The following STRN3 variants were observed in gnomAD, a reference collection of about 807,000 sequenced individuals.
The protein encoded by STRN3 is striatin-3.
A neutral mutation model predicts 95.6 loss-of-function variants in STRN3; 29 were observed. That is an observed-to-expected ratio of 0.30 (90% CI 0.23 to 0.41). The LOEUF (loss-of-function observed/expected upper bound fraction) is 0.41, where lower values mean the gene tolerates loss of function less well. STRN3 is among the 10% of genes least tolerant of loss of function. The pLI is 1.00. For synonymous variants in STRN3, 331 were observed against 357.6 expected (o/e 0.93, Z 0.84); for missense variants, 890 against 972.1 (o/e 0.92, Z 1.12).
intron 8 of STRN3, among the ~76,000 whole-genome samples, chr14:30,926,241 G>A (rs1208988669): frequency 6.6e-6 from 1 of 151,952 alleles, no homozygotes; most frequent in African/African-American, 2.4e-5. Flanking sequence ...ACTTACATTA[G>A]TAGCCTCAAA....
chr14:31,022,935 G>T (rs958339235), intron 1 of STRN3, among the ~76,000 whole-genome samples: 11 of 152,150 alleles, frequency 7.2e-5, no homozygotes, highest in African/African-American at 2.4e-4. Context: ...GTTAGTAGGA[G>T]ATATTTTGCT....
At chr14:30,971,613 G>A (rs555155566) in intron 1 of STRN3, among the ~76,000 whole-genome samples, 1 of 152,270 alleles carries the variant, frequency 6.6e-6, no homozygotes, top group South Asian at 2.1e-4. Context: ...AGCAGAAAGA[G>A]GATTTTGCAT....
intron 1 of STRN3, among the ~76,000 whole-genome samples, chr14:30,990,110 G>GT: frequency 6.6e-6 from 1 of 150,908 alleles, no homozygotes; most frequent in Non-Finnish European, 1.5e-5. Context: ...TTAAAGAGAA[G>GT]TAACAGTAAA....
intron 1 of STRN3, among the ~76,000 whole-genome samples, chr14:30,957,657 C>T (rs1879987943): frequency 6.6e-6 from 1 of 151,900 alleles, no homozygotes; most frequent in Non-Finnish European, 1.5e-5. Context: ...CCTTAAGTGC[C>T]TTTTATCCTT....
In STRN3 at chr14:31,005,311, G is replaced by A. The variant is rs531161279; in HGVS notation, c.282+20593C>T. Among the ~76,000 whole-genome samples the A allele has an allele frequency of 9.4e-4, 143 of 152,236 alleles. 2 individuals are homozygous for A. Among genetic ancestry groups the A allele is most frequent in the Admixed American group, 4.0e-3 (61 of 15,280 alleles). On this transcript the variant is annotated intron_variant, in intron 1 of 17. Transcript: ENST00000357479. ...CACGCCACTGCACTCCAGCCTGGGCGACAGAACGAGACTCCTCTCGTAGAG... is the reference window on the plus strand; with the variant it reads ...CACGCCACTGCACTCCAGCCTGGGCAACAGAACGAGACTCCTCTCGTAGAG...
At chr14:30,928,341 T>C (rs1878298296) in intron 8 of STRN3, among the ~76,000 whole-genome samples, 1 of 152,206 alleles carries the variant, frequency 6.6e-6, no homozygotes, top group Non-Finnish European at 1.5e-5. Context: ...ATGTCTATAT[T>C]GCTTTTGCCT....
chr14:30,909,354 A>G (rs1219351861), intron 13 of STRN3, among the ~76,000 whole-genome samples: 1 of 152,038 alleles, frequency 6.6e-6, no homozygotes, highest in African/African-American at 2.4e-5. Context: ...TACAAAAATT[A>G]GTGCGGTGTG....
intron 9 of STRN3, among the ~76,000 whole-genome samples, chr14:30,914,996 T>C (rs950011039): frequency 1.3e-5 from 2 of 152,214 alleles, no homozygotes; most frequent in African/African-American, 4.8e-5. Flanking sequence ...CAACCTTCAA[T>C]ATCATTTCAA....
intron 1 of STRN3, among the ~76,000 whole-genome samples, chr14:30,987,856 G>C (rs1881772635): frequency 6.6e-6 from 1 of 151,806 alleles, no homozygotes. Flanking sequence ...TCCTGCCTCA[G>C]CCTCCCAAGT....
chr14:30,929,967 A>AAAAAAAAAAC lies in STRN3; in HGVS notation c.989-657_989-656insGTTTTTTTTT, dbSNP rs1555317339. Among the ~76,000 whole-genome samples, 68 of 91,208 alleles carry AAAAAAAAAAC rather than the reference A, an allele frequency of 7.5e-4. 2 individuals carry two copies. In the South Asian group the frequency reaches 9.3e-3, roughly 12 times the overall value. 59.8% of individuals were successfully genotyped at this position (91,208 alleles called of 152,430 possible). A position where few individuals can be genotyped will look rare whatever the true frequency, so the allele number is the denominator to read the frequency against. ...AACTAAGATTAGCAAAAAAAAAAAA[A>AAAAAAAAAAC]AAAAAAAAAAAACTCAAATTCCACT... On this transcript the variant is annotated intron_variant, in intron 7 of 17. Coordinates refer to ENST00000357479, the MANE Select transcript of STRN3 (RefSeq NM_001083893.2).
intron 1 of STRN3, among the ~76,000 whole-genome samples, chr14:31,004,705 G>A (rs1004304813): frequency 5.9e-5 from 9 of 152,088 alleles, no homozygotes; most frequent in African/African-American, 1.9e-4. Flanking sequence ...CCCGTGAGGC[G>A]GAGTTTGTGG....
intron 1 of STRN3, among the ~76,000 whole-genome samples, chr14:30,958,579 C>A (rs971945243): frequency 1.3e-5 from 2 of 152,152 alleles, no homozygotes; most frequent in Non-Finnish European, 2.9e-5. Flanking sequence ...TTAAAAACCA[C>A]TAAGCCCATA....
intron 8 of STRN3, among the ~76,000 whole-genome samples, chr14:30,919,510 GC>G (rs1405615451): frequency 6.6e-6 from 1 of 151,954 alleles, no homozygotes; most frequent in Non-Finnish European, 1.5e-5. Flanking sequence ...TAAAACAAGG[GC>G]TTTTCAACAT....
At chr14:31,005,490 TTATAAACAAAA>T (rs1197666673) in intron 1 of STRN3, among the ~76,000 whole-genome samples, 1 of 152,258 alleles carries the variant, frequency 6.6e-6, no homozygotes, top group Non-Finnish European at 1.5e-5. Flanking sequence ...AGCTATCTAC[TTATAAACAAAA>T]GGAACCGCAA....
intron 12 of STRN3, among the ~76,000 whole-genome samples, chr14:30,911,456 C>T (rs1896607054): frequency 6.6e-6 from 1 of 152,036 alleles, no homozygotes; most frequent in Non-Finnish European, 1.5e-5. Context: ...CGCACGCCAA[C>T]ATGCCCAGCT....
chr14:31,002,265 A>G (rs1319029754), intron 1 of STRN3, among the ~76,000 whole-genome samples: 1 of 151,134 alleles, frequency 6.6e-6, no homozygotes, highest in Admixed American at 6.6e-5. Context: ...CAAGGTCAGG[A>G]TATCGAGACC....
chr14:30,931,776 T>A (rs760508094), intron 7 of STRN3, among the ~76,000 whole-genome samples: 1 of 152,186 alleles, frequency 6.6e-6, no homozygotes, highest in South Asian at 2.1e-4. Context: ...CAGATGACAG[T>A]GAAAACAGCG....
intron 1 of STRN3, among the ~76,000 whole-genome samples, chr14:31,015,585 C>G (rs1883202020): frequency 6.6e-6 from 1 of 152,078 alleles, no homozygotes; most frequent in South Asian, 2.1e-4. Context: ...GCTGGCCAGG[C>G]TGGTCTCGAA....
intron 9 of STRN3, among the ~76,000 whole-genome samples, chr14:30,917,554 T>TAAA (rs71430903): frequency 7.2e-6 from 1 of 139,698 alleles, no homozygotes. Context: ...TGCATAAAAT[T>TAAA]AAAAAAAAAA....
Sources: allele counts gnomAD v4.1 joint callset (sites outside exome capture counted in the v4.1 genomes callset), GRCh38; gene constraint gnomAD v4.1.1; transcripts MANE v1.5; gene names NCBI Gene and HGNC (gene_info 2026-07-23, HGNC 2026-07-21).